NUP98: variants seen among roughly 807,000 people sequenced by gnomAD.
NUP98 encodes nucleoporin 98 and 96 precursor, also known as nuclear pore complex protein Nup98-Nup96.
In NUP98, 26 loss-of-function variants were observed where a neutral mutation model predicts 191.9. The ratio of observed to expected loss-of-function variants is 0.14; its 90% confidence interval spans 0.10 to 0.19. The LOEUF is 0.19. NUP98 is among the 10% of genes least tolerant of loss of function. NUP98 has a pLI of 1.00. For synonymous variants in NUP98, 808 were observed against 778.4 expected, an observed-to-expected ratio of 1.04 and a Z score of -0.63; for missense variants, 1,941 against 2,178.8, an observed-to-expected ratio of 0.89 and a Z score of 2.17.
At chr11:3,793,360 G>A (rs962033195) in intron 1 of NUP98, among the ~76,000 whole-genome samples, 11 of 151,874 alleles carry the variant, frequency 7.2e-5, no homozygotes, top group African/African-American at 2.2e-4. Context: ...TGCAATCTGC[G>A]CTCACTGCAA....
chr11:3,736,015 C>T (rs2080041422), intron 12 of NUP98, among the ~76,000 whole-genome samples: 1 of 148,358 alleles, frequency 6.7e-6, no homozygotes, highest in African/African-American at 2.5e-5. Flanking sequence ...GATCCTCTAA[C>T]CTCAGACTCC....
In NUP98 at chr11:3,797,543, G is replaced by A. The variant is rs937850366; in HGVS notation, c.-172C>T. ...CGCCGCTTCGGGCGCAGCGCGCAGA[G>A]GGCCCGACTGCGTCACACGCCGCCC... On this transcript the variant is annotated 5_prime_UTR_variant, in exon 1 of 33. Transcript: ENST00000324932. 4.4e-5 allele frequency: 21 copies of A among 475,356 alleles called. No individual in the cohort carries two copies. Among genetic ancestry groups the A allele is most frequent in the Non-Finnish European group, 6.3e-5 (17 of 271,304 alleles). The allele number at this position is 475,356 out of a possible 1,614,324, so 29.4% of individuals were successfully genotyped here.
intron 20 of NUP98, among the ~76,000 whole-genome samples, chr11:3,707,737 T>TGAAAAAAAAAAAAAAAAAAA (rs2078901008): frequency 2.2e-4 from 1 of 4,488 alleles, no homozygotes; most frequent in Non-Finnish European, 3.6e-4. Context: ...AGACTCTGTC[T>TGAAAAAAAAAAAAAAAAAAA]CAAAAAAAAA....
At chr11:3,746,909 G>A (rs1394356062) in intron 11 of NUP98, among the ~76,000 whole-genome samples, 1 of 138,672 alleles carries the variant, frequency 7.2e-6, no homozygotes, top group Non-Finnish European at 1.5e-5. Context: ...GCAAAACGCA[G>A]TCTCAAAAAA....
intron 9 of NUP98, among the ~76,000 whole-genome samples, 193 bp from the exon 10 acceptor site, chr11:3,760,819 G>A (rs868046184): frequency 2.6e-5 from 4 of 151,924 alleles, no homozygotes; most frequent in Non-Finnish European, 4.4e-5. Flanking sequence ...TTATAAACAC[G>A]GAATGCTTCT....
intron 11 of NUP98, among the ~76,000 whole-genome samples, chr11:3,752,876 A>G (rs1253781610): frequency 1.3e-5 from 2 of 152,230 alleles, no homozygotes. Flanking sequence ...ACACTGGTCT[A>G]TATGACAATG....
chr11:3,738,495 A>C (rs543107984), intron 12 of NUP98, among the ~76,000 whole-genome samples: 4 of 152,166 alleles, frequency 2.6e-5, no homozygotes, highest in Non-Finnish European at 5.9e-5. Context: ...CAAATATACT[A>C]CAGCAAGGCA....
chr11:3,682,675 TG>T (rs2134014428), intron 30 of NUP98, among the ~76,000 whole-genome samples: 1 of 152,208 alleles, frequency 6.6e-6, no homozygotes, highest in Non-Finnish European at 1.5e-5. Context: ...GATATAGTAA[TG>T]AAAAAGTCTG....
chr11:3,784,048 G>A (rs1276435163), intron 1 of NUP98, among the ~76,000 whole-genome samples: 1 of 152,132 alleles, frequency 6.6e-6, no homozygotes, highest in Non-Finnish European at 1.5e-5. Flanking sequence ...TCTGAAAACA[G>A]TCAATCATGC....
In NUP98 at chr11:3,719,463, AC is replaced by A; in HGVS notation, c.2347del (p.Val783LeufsTer4). On this transcript the variant is annotated frameshift_variant, in exon 18 of 33. Transcript: ENST00000324932. LOFTEE classifies it high-confidence loss of function. ...TTTTTGGTTATCATCTAAGTAGACA[AC>A]TACTTCTTTCCTCCGGATATGCACA... Reference protein sequence around the residue: ...DIVHIRRKEVVVYLDDNQKPP... With the variant: ...DIVHIRRKEVXVYLDDNQKPP... The A allele has an allele frequency of 6.3e-7, 1 of 1,599,608 alleles. No homozygotes were observed. Among genetic ancestry groups the A allele is most frequent in the Non-Finnish European group, 8.5e-7 (1 of 1,173,764 alleles).
chr11:3,734,521 T>TTA (rs1267910986), intron 13 of NUP98, among the ~76,000 whole-genome samples: 1 of 152,140 alleles, frequency 6.6e-6, no homozygotes, highest in African/African-American at 2.4e-5. Context: ...AGAAACAAAT[T>TTA]TAGGGAGGCA....
At chr11:3,794,145 C>T (rs1358097246) in intron 1 of NUP98, among the ~76,000 whole-genome samples, 6 of 152,072 alleles carry the variant, frequency 3.9e-5, no homozygotes, top group Non-Finnish European at 2.9e-5. Context: ...CTACAATATA[C>T]AACAGAGCCC....
At chr11:3,780,558 A>G (rs922330865) in intron 2 of NUP98, among the ~76,000 whole-genome samples, 15 of 139,284 alleles carry the variant, frequency 1.1e-4, no homozygotes, top group East Asian at 4.0e-4. Context: ...AAAAAAAAAA[A>G]AAAAGAAAAA....
chr11:3,754,446 A>C (rs181924548), intron 10 of NUP98, among the ~76,000 whole-genome samples: 1 of 152,274 alleles, frequency 6.6e-6, no homozygotes, highest in Admixed American at 6.5e-5. Flanking sequence ...AATAAAATAA[A>C]AATAAAACAA....
intron 24 of NUP98, 126 bp from the exon 25 acceptor site, chr11:3,699,474 T>C: frequency 1.0e-6 from 1 of 993,582 alleles, no homozygotes; most frequent in Non-Finnish European, 1.5e-6. Flanking sequence ...CCACTCAAGC[T>C]GATTACCCTG....
At chr11:3,720,459 C>A (rs2079348538) in intron 17 of NUP98, among the ~76,000 whole-genome samples, 1 of 152,028 alleles carries the variant, frequency 6.6e-6, no homozygotes, top group South Asian at 2.1e-4. Flanking sequence ...TGCTTGACCC[C>A]AGGAGTTGAG....
chr11:3,771,718 G>A (rs1017337974), intron 7 of NUP98, 30 bp downstream of exon 7: 1 of 1,597,642 alleles, frequency 6.3e-7, no homozygotes, highest in African/African-American at 1.3e-5. Flanking sequence ...TCTCTCCTCA[G>A]TATAATCTAA....
chr11:3,708,706 T>TG (rs1266337185), intron 20 of NUP98, among the ~76,000 whole-genome samples: 2 of 140,556 alleles, frequency 1.4e-5, no homozygotes, highest in Admixed American at 1.5e-4. Context: ...AGGCCAGTCC[T>TG]GAAAAAAAAG....
chr11:3,792,419 T>C (rs1589991397), intron 1 of NUP98, among the ~76,000 whole-genome samples: 2 of 152,054 alleles, frequency 1.3e-5, no homozygotes, highest in East Asian at 1.9e-4. Context: ...AGACCAGCCA[T>C]GGTCAACATG....
Sources: allele counts gnomAD v4.1 joint callset (sites outside exome capture counted in the v4.1 genomes callset), GRCh38; gene constraint gnomAD v4.1.1; transcripts MANE v1.5; gene names NCBI Gene and HGNC (gene_info 2026-07-23, HGNC 2026-07-21).